PTPRN2: variants seen among roughly 807,000 people sequenced by gnomAD.
PTPRN2 encodes protein tyrosine phosphatase receptor type N2.
Under a neutral mutation model 118.8 loss-of-function variants are expected in PTPRN2, and 74 were observed. That is an observed-to-expected ratio of 0.62 (90% CI 0.52 to 0.76). PTPRN2 has a LOEUF of 0.76. Ranked by LOEUF, PTPRN2 falls within the 30% of genes least tolerant of loss-of-function variation. PTPRN2 has a pLI of 0.00. For missense variants in PTPRN2, 1,481 were observed against 1,394.4 expected, an observed-to-expected ratio of 1.06 and a Z score of -0.99; for synonymous variants, 641 against 608.0, an observed-to-expected ratio of 1.05 and a Z score of -0.80.
At chr7:158,384,686 G>T (rs1472973442) in intron 2 of PTPRN2, among the ~76,000 whole-genome samples, 2 of 152,162 alleles carry the variant, frequency 1.3e-5, no homozygotes, top group Non-Finnish European at 2.9e-5. Flanking sequence ...AAAAATCACT[G>T]CAAACTGTGT....
At position 158,267,760 on chromosome 7, in the gene PTPRN2, C is replaced by A. The variant is rs76698068; in HGVS notation, c.277+49059G>T. Among the ~76,000 whole-genome samples, 811 of 152,270 alleles carry A rather than the reference C, an allele frequency of 5.3e-3. 11 individuals carry two copies. The highest frequency in any genetic ancestry group is 0.019 in the African/African-American group (770 of 41,542). ...AACATTTTTAGTGCTGTGTACAAAC[C>A]AAGGGCAGCAAAAAACCCAACCTCT... On this transcript the variant is annotated intron_variant, in intron 3 of 22. Coordinates refer to ENST00000389418, the MANE Select transcript of PTPRN2 (RefSeq NM_002847.5).
chr7:157,686,602 C>A (rs1213365462), intron 12 of PTPRN2, among the ~76,000 whole-genome samples: 1 of 152,194 alleles, frequency 6.6e-6, no homozygotes, highest in Non-Finnish European at 1.5e-5. Flanking sequence ...AAAGAGAGCC[C>A]AGACTAATTA....
intron 2 of PTPRN2, among the ~76,000 whole-genome samples, chr7:158,455,856 A>G: frequency 6.7e-6 from 1 of 148,990 alleles, no homozygotes; most frequent in African/African-American, 2.5e-5. Context: ...TGCAGAGAAC[A>G]TAACAGCACG....
chr7:157,927,245 C>G (rs1799058975), intron 11 of PTPRN2, among the ~76,000 whole-genome samples: 1 of 74,142 alleles, frequency 1.3e-5, no homozygotes, highest in Non-Finnish European at 2.6e-5. Flanking sequence ...GCAGAGGCCT[C>G]GCGTCTTCTG....
At chr7:158,540,151 C>T (rs527965410) in intron 1 of PTPRN2, among the ~76,000 whole-genome samples, 4 of 152,308 alleles carry the variant, frequency 2.6e-5, no homozygotes, top group South Asian at 2.1e-4. Flanking sequence ...AGGCAGGGAC[C>T]GGGTCCCATG....
chr7:158,439,363 T>C (rs1816813209), intron 2 of PTPRN2, among the ~76,000 whole-genome samples: 1 of 152,198 alleles, frequency 6.6e-6, no homozygotes, highest in South Asian at 2.1e-4. Flanking sequence ...CTAAATTGAC[T>C]GAGACCTTTC....
intron 12 of PTPRN2, among the ~76,000 whole-genome samples, chr7:157,685,136 GAAC>G (rs950131462): frequency 4.6e-5 from 7 of 151,980 alleles, no homozygotes; most frequent in Middle Eastern, 3.4e-3. Flanking sequence ...GACGGAACAA[GAAC>G]AACAAAGGAA....
intron 11 of PTPRN2, among the ~76,000 whole-genome samples, chr7:158,044,584 A>G (rs1466561907): frequency 6.6e-6 from 1 of 151,674 alleles, no homozygotes; most frequent in African/African-American, 2.4e-5. Flanking sequence ...CGGGGCCTCG[A>G]TCATTTGTAA....
At chr7:158,356,033 T>A (rs1808361451) in intron 2 of PTPRN2, among the ~76,000 whole-genome samples, 1 of 152,106 alleles carries the variant, frequency 6.6e-6, no homozygotes, top group Non-Finnish European at 1.5e-5. Flanking sequence ...TTATGGAAAA[T>A]TACAAGTTTT....
In PTPRN2 at chr7:157,747,763, G is replaced by A. The variant is rs1196588130; in HGVS notation, c.1789-64826C>T. The stretch of plus-strand genomic sequence containing the variant: ...TGCATCTCTGAGCTCTGGGCTGTCC[G>A]GGTGATTCTGAGGCCTGCGTCCCTG... On this transcript the variant is annotated intron_variant, in intron 12 of 22. Transcript: ENST00000389418. Among the ~76,000 whole-genome samples, 3 of 116,284 alleles carry A rather than the reference G, an allele frequency of 2.6e-5. No homozygotes were observed. The East Asian group carries it at 8.8e-4, about 34-fold the overall frequency. 76.3% of individuals were successfully genotyped at this position (116,284 alleles called of 152,430 possible). A position where few individuals can be genotyped will look rare whatever the true frequency, so the allele number is the denominator to read the frequency against.
intron 10 of PTPRN2, among the ~76,000 whole-genome samples, chr7:158,108,901 G>A (rs968555870): frequency 1.8e-4 from 27 of 152,372 alleles, no homozygotes; most frequent in African/African-American, 6.5e-4. Context: ...CTGAGTGAAC[G>A]AGGTCAACCT....
intron 22 of PTPRN2, among the ~76,000 whole-genome samples, chr7:157,543,783 T>G (rs773037156): frequency 6.6e-6 from 1 of 152,260 alleles, no homozygotes; most frequent in Non-Finnish European, 1.5e-5. Context: ...CCAGCACCTC[T>G]CAAAAGGGGG....
At chr7:158,073,774 A>G (rs1406148107) in intron 11 of PTPRN2, among the ~76,000 whole-genome samples, 1 of 151,784 alleles carries the variant, frequency 6.6e-6, no homozygotes, top group Non-Finnish European at 1.5e-5. Flanking sequence ...ATGGACAAAG[A>G]GGAAAAGAAA....
At chr7:157,809,107 A>C (rs970558728) in intron 12 of PTPRN2, among the ~76,000 whole-genome samples, 1 of 139,718 alleles carries the variant, frequency 7.2e-6, no homozygotes, top group African/African-American at 3.1e-5. Context: ...CATCAAAAAC[A>C]TGAATTTTGT....
chr7:158,266,960 C>G (rs1288854963), intron 3 of PTPRN2, among the ~76,000 whole-genome samples: 1 of 152,148 alleles, frequency 6.6e-6, no homozygotes, highest in African/African-American at 2.4e-5. Context: ...CCAGCTCCCT[C>G]CCACGTCTAC....
At position 157,585,773 on chromosome 7, in the gene PTPRN2, G is replaced by C. The variant is rs780165784; in HGVS notation, c.2497-7633C>G. On this transcript the variant is annotated intron_variant, in intron 17 of 22. Coordinates refer to ENST00000389418, the MANE Select transcript of PTPRN2 (RefSeq NM_002847.5). This position sits in a 1 kb window ranked among gnomAD's most constrained non-coding sequence, Gnocchi z 5.2. ...GAGGGGAGGAGGAGTGGGGATGGGA[G>C]GAGCTGGCCGGAGGCTGGGAACCAA... Among the ~76,000 whole-genome samples, 1 of 152,234 alleles carries C rather than the reference G, an allele frequency of 6.6e-6. No homozygotes were observed. The highest frequency in any genetic ancestry group is 1.5e-5 in the Non-Finnish European group (1 of 68,048).
At chr7:157,979,776 G>A (rs541773860) in intron 11 of PTPRN2, among the ~76,000 whole-genome samples, 21 of 152,272 alleles carry the variant, frequency 1.4e-4, no homozygotes, top group Admixed American at 1.2e-3. Flanking sequence ...TTTATGACTC[G>A]CATCCGTTGC....
At chr7:157,710,333 G>A (rs1232495959) in intron 12 of PTPRN2, among the ~76,000 whole-genome samples, 1 of 152,154 alleles carries the variant, frequency 6.6e-6, no homozygotes, top group Admixed American at 6.5e-5. Flanking sequence ...TCTTGGCCAG[G>A]TGTGGTGGCT....
chr7:158,545,121 C>A (rs1469302677), intron 1 of PTPRN2, among the ~76,000 whole-genome samples: 1 of 152,246 alleles, frequency 6.6e-6, no homozygotes, highest in Non-Finnish European at 1.5e-5. Flanking sequence ...GCCTCAACAT[C>A]CACCGGGTTT....
Sources: gnomAD v4.1 joint callset for allele counts (sites outside exome capture counted in the v4.1 genomes callset) on GRCh38, gnomAD v4.1.1 for gene constraint, Gnocchi (gnomAD v3.1) non-coding constraint, MANE v1.5 for transcripts, NCBI Gene and HGNC (gene_info 2026-07-23, HGNC 2026-07-21) for gene names.